The following PCDHGA4 variants were observed in gnomAD, a reference collection of about 807,000 sequenced individuals.
PCDHGA4 encodes protocadherin gamma-A4.
In PCDHGA4, 38 loss-of-function variants were observed where a neutral mutation model predicts 54.6. The observed-to-expected ratio is 0.70, with a 90% CI of 0.54 to 0.91. PCDHGA4 has a LOEUF of 0.91. Among genes scored for constraint, PCDHGA4 ranks in the 40% least tolerant of loss-of-function variants. PCDHGA4 has a pLI of 0.00. For missense variants in PCDHGA4, 1,298 were observed against 1,220.9 expected (o/e 1.06, Z -0.94); for synonymous variants, 511 against 512.9 (o/e 1.00, Z 0.05).
intron 1 of PCDHGA4, chr5:141,361,279 G>A (rs1456239638): frequency 1.2e-6 from 2 of 1,613,892 alleles, no homozygotes; most frequent in Middle Eastern, 1.6e-4. Context: ...AAATGGAGAA[G>A]TTTACTGCCA....
At position 141,450,006 on chromosome 5, in the gene PCDHGA4, C is replaced by CTAT. The variant is rs70988802; in HGVS notation, c.2515-44800_2515-44799insATT. ...CACATTGCATTTAGTTGCCATGTCT[C>CTAT]TTTTTTTTTTTTTTTTTTGAGACAG... On this transcript the variant is annotated intron_variant, in intron 1 of 3. Transcript: ENST00000571252. Among the ~76,000 whole-genome samples the CTAT allele has an allele frequency of 2.5e-4, 33 of 132,964 alleles. 6 individuals are homozygous for CTAT. Among genetic ancestry groups the CTAT allele is most frequent in the Non-Finnish European group, 2.9e-4 (18 of 62,916 alleles). The allele number at this position is 132,964 out of a possible 152,430, so 87.2% of individuals were successfully genotyped here. A position where few individuals can be genotyped will look rare whatever the true frequency, so the allele number is the denominator to read the frequency against.
At chr5:141,374,079 C>A in intron 1 of PCDHGA4, 2 of 1,518,304 alleles carry the variant, frequency 1.3e-6, no homozygotes, top group Non-Finnish European at 1.8e-6. Flanking sequence ...CCTAATAAGC[C>A]AGTAATGGCG....
chr5:141,468,681 A>G (rs1415798588), intron 1 of PCDHGA4: 1 of 151,830 alleles, frequency 6.6e-6, no homozygotes, highest in African/African-American at 2.4e-5. Flanking sequence ...CCTGGCTAAC[A>G]CGGTGAAACC....
intron 2 of PCDHGA4, among the ~76,000 whole-genome samples, 199 bp downstream of exon 2, chr5:141,495,064 C>T (rs563712352): frequency 6.6e-6 from 1 of 152,296 alleles, no homozygotes; most frequent in South Asian, 2.1e-4. Context: ...GTTCAGGAAG[C>T]TCAATTCACA....
chr5:141,510,289 A>T (rs1279501931), intron 3 of PCDHGA4, among the ~76,000 whole-genome samples: 3 of 151,754 alleles, frequency 2.0e-5, no homozygotes, highest in Non-Finnish European at 4.4e-5. Context: ...AAAAAAAAAA[A>T]AATGCTGTTT....
At chr5:141,448,185 G>A (rs2098572532) in intron 1 of PCDHGA4, among the ~76,000 whole-genome samples, 1 of 152,020 alleles carries the variant, frequency 6.6e-6, no homozygotes, top group Non-Finnish European at 1.5e-5. Flanking sequence ...CCCTGGTTAT[G>A]TACACTTACA....
At chr5:141,364,533 C>T (rs1296809092) in intron 1 of PCDHGA4, 2 of 1,614,094 alleles carry the variant, frequency 1.2e-6, no homozygotes, top group Non-Finnish European at 1.7e-6. Flanking sequence ...CGCATCGTCT[C>T]CAGAGGTAGG....
chr5:141,446,928 C>T (rs988582410), intron 1 of PCDHGA4, among the ~76,000 whole-genome samples: 14 of 152,132 alleles, frequency 9.2e-5, no homozygotes, highest in Non-Finnish European at 1.6e-4. Context: ...TTCCTGATCT[C>T]TTTTTCACTG....
At chr5:141,376,139 G>C in intron 1 of PCDHGA4, 1 of 1,613,958 alleles carries the variant, frequency 6.2e-7, no homozygotes, top group Non-Finnish European at 8.5e-7. Flanking sequence ...CAAACCCAAC[G>C]ATTCGGACCT....
In PCDHGA4 at chr5:141,414,101, A is replaced by G. The variant is rs759223225; in HGVS notation, c.2514+56480A>G. On this transcript the variant is annotated intron_variant, in intron 1 of 3. Transcript: ENST00000571252. ...TATACTGGAGAAATAAAAATATCAG[A>G]AAATCTAGATTATGAAGAAACCGGT... 1.9e-6 allele frequency: 3 copies of G among 1,593,930 alleles called. No individual in the cohort carries two copies. The African/African-American group carries it at 4.0e-5, about 21-fold the overall frequency.
intron 1 of PCDHGA4, chr5:141,371,313 C>G: frequency 6.2e-7 from 1 of 1,613,964 alleles, no homozygotes; most frequent in Non-Finnish European, 8.5e-7. Context: ...TATTGGAGAA[C>G]TGGACTTTGA....
At chr5:141,357,924 T>C in intron 1 of PCDHGA4, among the ~76,000 whole-genome samples, 1 of 152,216 alleles carries the variant, frequency 6.6e-6, no homozygotes, top group Non-Finnish European at 1.5e-5. Flanking sequence ...GTGTGGTGGC[T>C]CACACCTGTA....
intron 1 of PCDHGA4, chr5:141,383,110 A>G (rs754398892): frequency 1.9e-6 from 3 of 1,614,020 alleles, no homozygotes; most frequent in South Asian, 1.1e-5. Flanking sequence ...CTCCAGAGGT[A>G]GGACGCAGCT....
intron 1 of PCDHGA4, among the ~76,000 whole-genome samples, chr5:141,436,477 G>A (rs748354852): frequency 1.3e-5 from 2 of 152,168 alleles, no homozygotes; most frequent in Non-Finnish European, 2.9e-5. Context: ...ATGTATCATA[G>A]AAGGATAGCA....
chr5:141,392,187 AT>A (rs1221931532), intron 1 of PCDHGA4: 1 of 152,234 alleles, frequency 6.6e-6, no homozygotes, highest in Non-Finnish European at 1.5e-5. Context: ...CAGTAGGTCT[AT>A]TTTAGTCTCA....
chr5:141,504,752 A>G (rs1194764381), intron 2 of PCDHGA4, among the ~76,000 whole-genome samples: 23 of 151,894 alleles, frequency 1.5e-4, no homozygotes, highest in Non-Finnish European at 3.2e-4. Flanking sequence ...TGAATTTTAG[A>G]AATTTCTTCT....
At chr5:141,412,939 C>G in intron 1 of PCDHGA4, 1 of 461,988 alleles carries the variant, frequency 2.2e-6, no homozygotes, top group Non-Finnish European at 3.8e-6. Context: ...TCTTAGGACT[C>G]TGAGCGCCGC....
intron 1 of PCDHGA4, chr5:141,420,156 AT>A (rs755916873): frequency 6.2e-7 from 1 of 1,613,990 alleles, no homozygotes; most frequent in African/African-American, 1.3e-5. Flanking sequence ...CCAGAATTTA[AT>A]TTTTTCACAT....
chr5:141,403,021 A>G (rs1367554344), intron 1 of PCDHGA4: 2 of 1,613,944 alleles, frequency 1.2e-6, no homozygotes, highest in African/African-American at 1.3e-5. Flanking sequence ...TGGGGATGCT[A>G]TGGGAGGCCA....
Sources: gnomAD v4.1 joint callset for allele counts (sites outside exome capture counted in the v4.1 genomes callset) on GRCh38, gnomAD v4.1.1 for gene constraint, MANE v1.5 for transcripts, NCBI Gene and HGNC (gene_info 2026-07-23, HGNC 2026-07-21) for gene names.